Variants in EFCAB11 observed in about 807,000 individuals in gnomAD.
The protein encoded by EFCAB11 is EF-hand calcium binding domain 11.
In EFCAB11, 14 loss-of-function variants were observed where a neutral mutation model predicts 23.0. That is an observed-to-expected ratio of 0.61 (90% CI 0.40 to 0.95). EFCAB11 has a LOEUF of 0.95. Among genes scored for constraint, EFCAB11 ranks in the 40% least tolerant of loss-of-function variants. The probability of loss-of-function intolerance (pLI) is 0.00; values close to 1 mark genes in which losing one functional copy is unlikely to be tolerated. For synonymous variants in EFCAB11, 65 were observed against 66.6 expected, an observed-to-expected ratio of 0.98 and a Z score of 0.11; for missense variants, 198 against 195.8, an observed-to-expected ratio of 1.01 and a Z score of -0.07.
rs1165149314 is a variant in EFCAB11, at chr14:89,946,150, G to C, written c.217+3947C>G. 2.0e-5 allele frequency among the ~76,000 whole-genome samples: 3 copies of C among 152,202 alleles called. No individual in the cohort carries two copies. In the East Asian group the frequency reaches 5.8e-4, roughly 29 times the overall value. On this transcript the variant is annotated intron_variant, in intron 3 of 5. Transcript: ENST00000316738. ...GTTGGTCTCAAACTCCTGGCCTCAA[G>C]TGATTCGTCTGCGTTGGCCTCTCAA...
intron 5 of EFCAB11, among the ~76,000 whole-genome samples, chr14:89,816,135 T>A (rs1886330561): frequency 6.6e-6 from 1 of 152,204 alleles, no homozygotes; most frequent in South Asian, 2.1e-4. Context: ...ATTTTATATT[T>A]TTTTTGGTAG....
chr14:89,931,763 A>T, intron 4 of EFCAB11, 132 bp from the exon 5 acceptor site: 1 of 696,484 alleles, frequency 1.4e-6, no homozygotes, highest in South Asian at 1.9e-5. Flanking sequence ...GATTGATTTC[A>T]CAGATAAGGT....
intron 5 of EFCAB11, among the ~76,000 whole-genome samples, chr14:89,832,559 C>CA (rs1337933841): frequency 1.3e-5 from 2 of 152,110 alleles, no homozygotes. Context: ...ACTCTGGGCT[C>CA]AGCACTATAC....
At chr14:89,800,888 C>CA (rs1273682865) in intron 5 of EFCAB11, among the ~76,000 whole-genome samples, 1 of 151,756 alleles carries the variant, frequency 6.6e-6, no homozygotes, top group African/African-American at 2.4e-5. Context: ...ATTAAAAAGG[C>CA]AAAAATTAGA....
At chr14:89,932,023 T>C (rs1204773753) in intron 4 of EFCAB11, among the ~76,000 whole-genome samples, 1 of 101,178 alleles carries the variant, frequency 9.9e-6, no homozygotes, top group Non-Finnish European at 1.9e-5. Flanking sequence ...TCATGAAATA[T>C]TGCTATTTAG....
At chr14:89,816,044 C>T (rs922235487) in intron 5 of EFCAB11, among the ~76,000 whole-genome samples, 1 of 151,948 alleles carries the variant, frequency 6.6e-6, no homozygotes, top group Non-Finnish European at 1.5e-5. Flanking sequence ...TTTTGTGTGT[C>T]CTCTTCAATT....
At chr14:89,839,948 G>A (rs1034580237) in intron 5 of EFCAB11, among the ~76,000 whole-genome samples, 1 of 152,114 alleles carries the variant, frequency 6.6e-6, no homozygotes, top group Non-Finnish European at 1.5e-5. Flanking sequence ...TCCAACACTG[G>A]GGATTACAAC....
At chr14:89,836,081 G>T (rs1439834066) in intron 5 of EFCAB11, among the ~76,000 whole-genome samples, 2 of 152,038 alleles carry the variant, frequency 1.3e-5, no homozygotes, top group African/African-American at 4.8e-5. Context: ...GAGTATGAGG[G>T]GCCATAGGCT....
At chr14:89,804,703 G>C (rs1463635333) in intron 5 of EFCAB11, among the ~76,000 whole-genome samples, 1 of 152,156 alleles carries the variant, frequency 6.6e-6, no homozygotes, top group Non-Finnish European at 1.5e-5. Flanking sequence ...AAGTAAAAGA[G>C]ATCTCACTAC....
At chr14:89,939,947 C>T (rs1775039535) in intron 3 of EFCAB11, among the ~76,000 whole-genome samples, 1 of 152,128 alleles carries the variant, frequency 6.6e-6, no homozygotes, top group African/African-American at 2.4e-5. Flanking sequence ...CCATGTTGGC[C>T]AGGCTGGTCT....
chr14:89,812,932 A>T (rs1299156660), intron 5 of EFCAB11, among the ~76,000 whole-genome samples: 1 of 152,234 alleles, frequency 6.6e-6, no homozygotes, highest in African/African-American at 2.4e-5. Flanking sequence ...GCACATCAAA[A>T]ATTATAATAA....
At chr14:89,805,776 A>G (rs540574266) in intron 5 of EFCAB11, among the ~76,000 whole-genome samples, 6 of 152,106 alleles carry the variant, frequency 3.9e-5, no homozygotes, top group Non-Finnish European at 8.8e-5. Context: ...ATTTTCTGCT[A>G]CTTGGAAATG....
intron 5 of EFCAB11, among the ~76,000 whole-genome samples, chr14:89,852,004 T>C (rs1049534039): frequency 2.0e-5 from 3 of 152,180 alleles, no homozygotes; most frequent in African/African-American, 7.2e-5. Context: ...AAACCTGAAG[T>C]TGGTTCCATG....
At chr14:89,854,159 C>T (rs191490098) in intron 5 of EFCAB11, among the ~76,000 whole-genome samples, 27 of 151,654 alleles carry the variant, frequency 1.8e-4, no homozygotes, top group Admixed American at 4.6e-4. Flanking sequence ...AGAGGTATTT[C>T]CCCCGAGAAG....
At chr14:89,837,456 C>A (rs933667505) in intron 5 of EFCAB11, among the ~76,000 whole-genome samples, 1 of 152,196 alleles carries the variant, frequency 6.6e-6, no homozygotes, top group Non-Finnish European at 1.5e-5. Context: ...CTCTCTTGGG[C>A]TCCTGTAATA....
intron 5 of EFCAB11, among the ~76,000 whole-genome samples, chr14:89,871,457 G>A (rs935840602): frequency 6.6e-6 from 1 of 152,178 alleles, no homozygotes; most frequent in African/African-American, 2.4e-5. Context: ...TGGTGAGGAA[G>A]TCTTCCTGCC....
At chr14:89,829,469 G>T (rs1886815214) in intron 5 of EFCAB11, among the ~76,000 whole-genome samples, 1 of 152,194 alleles carries the variant, frequency 6.6e-6, no homozygotes, top group Admixed American at 6.5e-5. Context: ...CTGTGTTTGA[G>T]AAAGTTTGAA....
chr14:89,798,566 C>T lies in EFCAB11; in HGVS notation c.411-1242G>A, dbSNP rs770627327. Among the ~76,000 whole-genome samples, 7 of 152,130 alleles carry T rather than the reference C, an allele frequency of 4.6e-5. No individual in the cohort carries two copies. In the South Asian group the frequency reaches 1.2e-3, roughly 27 times the overall value. ...TTCCCAAGGAATTGGATTAGATAAA[C>T]GGCCTTTTTTCTTTCCACTCTGAAC... On this transcript the variant is annotated intron_variant, in intron 5 of 5. Coordinates refer to ENST00000316738, the MANE Select transcript of EFCAB11 (RefSeq NM_145231.4).
At chr14:89,830,752 CA>C (rs1359337238) in intron 5 of EFCAB11, 1 of 152,126 alleles carries the variant, frequency 6.6e-6, no homozygotes, top group Non-Finnish European at 1.5e-5. Flanking sequence ...TTACAGAGGT[CA>C]CCTAATGAAA....
Sources: allele counts gnomAD v4.1 joint callset (sites outside exome capture counted in the v4.1 genomes callset), GRCh38; gene constraint gnomAD v4.1.1; transcripts MANE v1.5; gene names NCBI Gene and HGNC (gene_info 2026-07-23, HGNC 2026-07-21).